ANKRD26: variants seen among roughly 807,000 people sequenced by gnomAD.
ANKRD26 encodes the protein ankyrin repeat domain-containing protein 26.
Under a neutral mutation model 208.7 loss-of-function variants are expected in ANKRD26, and 141 were observed. The observed-to-expected ratio is 0.68, with a 90% confidence interval of 0.59 to 0.78. The LOEUF is 0.78. ANKRD26 is among the 30% of genes least tolerant of loss of function. ANKRD26 has a pLI of 0.00. For missense variants in ANKRD26, 1,889 were observed against 1,938.7 expected (o/e 0.97, Z 0.48); for synonymous variants, 636 against 660.4 (o/e 0.96, Z 0.57).
chr10:27,066,608 A>G (rs1337338447), intron 10 of ANKRD26, 60 bp from the exon 11 acceptor site: 4 of 1,130,512 alleles, frequency 3.5e-6, no homozygotes, highest in Non-Finnish European at 5.2e-6. Context: ...AATTTTAAAT[A>G]CATAATTAAA....
downstream of ANKRD26, among the ~76,000 whole-genome samples, chr10:26,972,551 C>A (rs966749301): frequency 2.6e-5 from 4 of 151,224 alleles, no homozygotes; most frequent in African/African-American, 9.7e-5. Context: ...CAACTATAAC[C>A]AACCATTTGT....
At chr10:26,955,755 G>A in the ANKRD26 span, among the ~76,000 whole-genome samples, 8 of 152,268 alleles carry the variant, frequency 5.3e-5, no homozygotes, top group East Asian at 1.5e-3. Context: ...TATTAGTCCT[G>A]TGTATGCAAC....
intron 12 of ANKRD26, among the ~76,000 whole-genome samples, chr10:27,061,555 ATCTATTTTTTTTTTTT>A (rs2055056775): frequency 8.4e-6 from 1 of 118,470 alleles, no homozygotes; most frequent in Non-Finnish European, 1.6e-5. Context: ...TCAATGCAAC[ATCTATTTTTTTTTTTT>A]TTTTTTGATA....
At chr10:27,033,496 T>A in intron 24 of ANKRD26, 119 bp from the exon 25 acceptor site, 1 of 1,013,526 alleles carries the variant, frequency 9.9e-7, no homozygotes, top group Non-Finnish European at 1.4e-6. Flanking sequence ...TATTACCACA[T>A]ACATTGATTC....
At chr10:27,003,083 G>A (rs977858638), downstream of ANKRD26, among the ~76,000 whole-genome samples, 1 of 152,100 alleles carries the variant, frequency 6.6e-6, no homozygotes, top group African/African-American at 2.4e-5. Context: ...TGCCAAATTG[G>A]TTCTGTTATA....
intron 32 of ANKRD26, 22 bp downstream of exon 32, chr10:27,012,860 G>A (rs1421766871): frequency 6.3e-7 from 1 of 1,598,656 alleles, no homozygotes; most frequent in Admixed American, 1.7e-5. Flanking sequence ...AAACCCAAAG[G>A]AAAAAAGACA....
chr10:27,013,582 TA>T (rs1261356900), intron 31 of ANKRD26, among the ~76,000 whole-genome samples: 4 of 152,160 alleles, frequency 2.6e-5, no homozygotes, highest in Admixed American at 1.3e-4. Context: ...TTAATAAAAC[TA>T]ATAACAAAGG....
intron 5 of ANKRD26, among the ~76,000 whole-genome samples, chr10:26,980,483 G>A (rs2052290914): frequency 6.6e-6 from 1 of 152,198 alleles, no homozygotes; most frequent in Non-Finnish European, 1.5e-5. Context: ...AAATTCTTGG[G>A]CAAATCTTTA....
intron 29 of ANKRD26, among the ~76,000 whole-genome samples, 166 bp downstream of exon 29, chr10:27,022,392 C>A (rs2053518861): frequency 6.6e-6 from 1 of 152,046 alleles, no homozygotes; most frequent in African/African-American, 2.4e-5. Flanking sequence ...CATAACAAAC[C>A]TGCCCATGTA....
At chr10:26,982,638 A>G (rs899507047) in intron 4 of ANKRD26, among the ~76,000 whole-genome samples, 4 of 152,064 alleles carry the variant, frequency 2.6e-5, no homozygotes, top group African/African-American at 9.7e-5. Flanking sequence ...AAAAAAGAAA[A>G]ACAATATGTA....
downstream of ANKRD26, among the ~76,000 whole-genome samples, chr10:27,002,747 T>C (rs1413155821): frequency 6.6e-6 from 1 of 152,254 alleles, no homozygotes; most frequent in Non-Finnish European, 1.5e-5. Context: ...GAGCCTGCCA[T>C]ATTTGTGACT....
rs556481944 is a variant in ANKRD26, at chr10:27,035,231, G to C, written c.3219C>G (p.Leu1073=). 2.5e-6 allele frequency: 4 copies of C among 1,613,950 alleles called. No individual in the cohort carries two copies. In the African/African-American group the frequency reaches 4.0e-5, roughly 16 times the overall value. The change falls in exon 24 of 34, where the codon CTC becomes CTG. Residue 1073 remains leucine (L), a synonymous_variant. Transcript: ENST00000376087. ...SQQLFKTESK[L]NSLEIEFHHT... ...GATGGAACTCAATTTCTAGGCTATT[G>C]AGTTTACTTTCAGTTTTAAATAGTT...
At chr10:27,072,352 G>A (rs1350225754) in intron 9 of ANKRD26, among the ~76,000 whole-genome samples, 1 of 152,190 alleles carries the variant, frequency 6.6e-6, no homozygotes, top group African/African-American at 2.4e-5. Context: ...AGAGGCAGCT[G>A]AGCTTCTCCC....
chr10:27,053,272 A>G (rs778104107), intron 16 of ANKRD26, 48 bp downstream of exon 16: 7 of 1,348,672 alleles, frequency 5.2e-6, no homozygotes, highest in Non-Finnish European at 7.4e-6. Context: ...ACATCATTAA[A>G]GCAAAGAAAA....
intron 12 of ANKRD26, 118 bp from the exon 13 acceptor site, chr10:27,061,360 T>G: frequency 1.6e-6 from 1 of 628,086 alleles, no homozygotes; most frequent in Non-Finnish European, 2.7e-6. Flanking sequence ...GTGCAGTTTT[T>G]TAAAATCAAT....
chr10:26,963,901 TG>T, the ANKRD26 span, among the ~76,000 whole-genome samples: 199 of 132,804 alleles, frequency 1.5e-3, 12 homozygotes, highest in Middle Eastern at 7.6e-3. Context: ...GATGGTTGGT[TG>T]GTTTTTTTTT....
intron 5 of ANKRD26, among the ~76,000 whole-genome samples, chr10:26,980,187 G>A (rs1006884732): frequency 2.0e-5 from 3 of 152,148 alleles, no homozygotes; most frequent in Non-Finnish European, 4.4e-5. Flanking sequence ...TTGGGTTCTG[G>A]TGGCATTGCT....
At chr10:27,095,041 G>T (rs1383450226) in intron 1 of ANKRD26, among the ~76,000 whole-genome samples, 1 of 151,828 alleles carries the variant, frequency 6.6e-6, no homozygotes, top group Non-Finnish European at 1.5e-5. Context: ...GTATTTCAGT[G>T]ATTCTAAGAT....
At chr10:26,959,241 G>C in the ANKRD26 span, among the ~76,000 whole-genome samples, 2 of 150,274 alleles carry the variant, frequency 1.3e-5, no homozygotes, top group African/African-American at 4.9e-5. Context: ...TCACGCCACT[G>C]CTCTCCAGCC....
Sources: allele counts gnomAD v4.1 joint callset (sites outside exome capture counted in the v4.1 genomes callset), GRCh38; gene constraint gnomAD v4.1.1; transcripts MANE v1.5; gene names NCBI Gene and HGNC (gene_info 2026-07-23, HGNC 2026-07-21).